Variants in PDE8A observed in about 807,000 individuals in gnomAD.
The protein encoded by PDE8A is high affinity cAMP-specific and IBMX-insensitive 3',5'-cyclic phosphodiesterase 8A.
PDE8A carries 59 observed loss-of-function variants against 105.0 expected under a neutral mutation model. The ratio of observed to expected loss-of-function variants is 0.56; its 90% CI spans 0.46 to 0.70. The LOEUF is 0.70. Among genes scored for constraint, PDE8A ranks in the 30% least tolerant of loss-of-function variants. PDE8A has a pLI of 0.00. For missense variants in PDE8A, 1,014 were observed against 1,045.9 expected, an observed-to-expected ratio of 0.97 and a Z score of 0.42; for synonymous variants, 355 against 371.9, an observed-to-expected ratio of 0.95 and a Z score of 0.52.
At chr15:85,013,892 A>G (rs2080280241) in intron 1 of PDE8A, among the ~76,000 whole-genome samples, 1 of 152,272 alleles carries the variant, frequency 6.6e-6, no homozygotes, top group East Asian at 1.9e-4. Flanking sequence ...GTTTGAGGAA[A>G]GGCCCAATTC....
At chr15:85,045,121 GTCAT>G (rs1419340645) in intron 1 of PDE8A, among the ~76,000 whole-genome samples, 2 of 152,110 alleles carry the variant, frequency 1.3e-5, no homozygotes, top group African/African-American at 4.8e-5. Flanking sequence ...GCTACTTCCT[GTCAT>G]TCAGATCTCA....
intron 1 of PDE8A, among the ~76,000 whole-genome samples, chr15:85,049,998 ATTT>A (rs1447166107): frequency 6.6e-6 from 1 of 151,870 alleles, no homozygotes; most frequent in African/African-American, 2.4e-5. Context: ...AGCACTTGTT[ATTT>A]TCTGGTAGTA....
chr15:85,011,453 G>A (rs979516784), intron 1 of PDE8A, among the ~76,000 whole-genome samples: 3 of 152,188 alleles, frequency 2.0e-5, no homozygotes, highest in African/African-American at 4.8e-5. Flanking sequence ...TATTTGTAAA[G>A]TGGTGGTAGT....
chr15:85,061,095 A>G (rs12909111), intron 1 of PDE8A, among the ~76,000 whole-genome samples: 45,115 of 151,964 alleles, frequency 0.3, 7,051 homozygotes, highest in Middle Eastern at 0.37. Context: ...AAGTTTTGCC[A>G]AATATAGGAT....
chr15:84,985,628 A>G (rs2079789994), intron 1 of PDE8A, among the ~76,000 whole-genome samples: 1 of 152,134 alleles, frequency 6.6e-6, no homozygotes, highest in East Asian at 1.9e-4. Flanking sequence ...CCCACACCCC[A>G]ACTAATCAAC....
At chr15:84,986,311 G>A (rs1398604589) in intron 1 of PDE8A, among the ~76,000 whole-genome samples, 1 of 152,148 alleles carries the variant, frequency 6.6e-6, no homozygotes, top group East Asian at 1.9e-4. Flanking sequence ...ACCTCTAATC[G>A]AGTGTTACTG....
At chr15:85,132,957 T>C (rs1001902911) in intron 20 of PDE8A, among the ~76,000 whole-genome samples, 3 of 152,198 alleles carry the variant, frequency 2.0e-5, no homozygotes, top group African/African-American at 7.2e-5. Flanking sequence ...CCTTTGAGTG[T>C]ACCATATTTT....
At chr15:85,090,750 G>A (rs1405501144) in intron 7 of PDE8A, 2 of 482,598 alleles carry the variant, frequency 4.1e-6, no homozygotes, top group African/African-American at 4.0e-5. Flanking sequence ...TTGGCGCTGT[G>A]CACATCCCTT....
intron 1 of PDE8A, among the ~76,000 whole-genome samples, chr15:85,050,646 G>A (rs2080958490): frequency 6.6e-6 from 1 of 152,016 alleles, no homozygotes; most frequent in African/African-American, 2.4e-5. Context: ...TTATTTCTGG[G>A]CCCTTTATTC....
chr15:85,119,953 T>C (rs2082155350), intron 17 of PDE8A, among the ~76,000 whole-genome samples: 1 of 151,992 alleles, frequency 6.6e-6, no homozygotes, highest in African/African-American at 2.4e-5. Context: ...GATAATCCAG[T>C]GTGGCTCTTG....
At chr15:85,074,695 C>T (rs2081357660) in intron 3 of PDE8A, among the ~76,000 whole-genome samples, 1 of 152,200 alleles carries the variant, frequency 6.6e-6, no homozygotes, top group South Asian at 2.1e-4. Flanking sequence ...GGGCATCCAT[C>T]GTGCATGATG....
intron 1 of PDE8A, among the ~76,000 whole-genome samples, chr15:85,007,441 T>C (rs576825209): frequency 6.6e-6 from 1 of 150,714 alleles, no homozygotes; most frequent in South Asian, 2.2e-4. Context: ...TGTTGCTTCT[T>C]GATCTGGGTG....
At chr15:85,039,270 A>G (rs1469846231) in intron 1 of PDE8A, among the ~76,000 whole-genome samples, 2 of 152,082 alleles carry the variant, frequency 1.3e-5, no homozygotes, top group East Asian at 3.9e-4. Flanking sequence ...TATAGAACAC[A>G]AAGTAAAAAT....
In PDE8A at chr15:85,032,772, T is replaced by TA. The variant is rs534963052; in HGVS notation, c.187-31592dup. Among the ~76,000 whole-genome samples, 467 of 152,316 alleles carry TA rather than the reference T, an allele frequency of 3.1e-3. 2 individuals carry two copies. The highest frequency in any genetic ancestry group is 0.011 in the African/African-American group (452 of 41,550). ...GGAAAAGGTCAATTTAAATGCATTT[T>TA]AAAAAATCAAAGAATATGTGCTTAT... On this transcript the variant is annotated intron_variant, in intron 1 of 21. Coordinates refer to ENST00000394553, the MANE Select transcript of PDE8A (RefSeq NM_002605.3).
intron 1 of PDE8A, among the ~76,000 whole-genome samples, chr15:85,027,542 T>C (rs910267193): frequency 1.4e-4 from 21 of 152,230 alleles, no homozygotes; most frequent in Non-Finnish European, 5.9e-5. Context: ...TGCTGTGACT[T>C]ACTGCGTTTA....
At chr15:85,021,684 A>G (rs289406) in intron 1 of PDE8A, among the ~76,000 whole-genome samples, 122,995 of 152,232 alleles carry the variant, frequency 0.81, 50,353 homozygotes, top group African/African-American at 0.95. Context: ...ATCACACATT[A>G]AATTATCATG....
intron 1 of PDE8A, among the ~76,000 whole-genome samples, chr15:85,040,913 CTT>C (rs1567244083): frequency 4.7e-5 from 7 of 149,512 alleles, no homozygotes. Context: ...ATCTCATTGT[CTT>C]TATTTTTTTA....
chr15:85,000,129 TTGTATA>T (rs2080044531), intron 1 of PDE8A, among the ~76,000 whole-genome samples: 1 of 152,296 alleles, frequency 6.6e-6, no homozygotes, highest in South Asian at 2.1e-4. Flanking sequence ...CCACGGTTCC[TTGTATA>T]TAAAATGTGG....
intron 14 of PDE8A, 58 bp downstream of exon 14, chr15:85,114,095 A>C: frequency 1.4e-6 from 2 of 1,469,660 alleles, no homozygotes; most frequent in East Asian, 2.3e-5. Context: ...TTGTTTTCTC[A>C]GAGGTTATTC....
Sources: gnomAD v4.1 joint callset for allele counts (sites outside exome capture counted in the v4.1 genomes callset) on GRCh38, gnomAD v4.1.1 for gene constraint, MANE v1.5 for transcripts, NCBI Gene and HGNC (gene_info 2026-07-23, HGNC 2026-07-21) for gene names.